The following EFCAB11 variants were observed in gnomAD, a reference collection of about 807,000 sequenced individuals.
The protein encoded by EFCAB11 is EF-hand calcium binding domain 11, also known as EF-hand calcium-binding domain-containing protein 11.
In EFCAB11, 14 loss-of-function variants were observed where a neutral mutation model predicts 23.0. The ratio of observed to expected loss-of-function variants is 0.61; its 90% CI spans 0.40 to 0.95. The LOEUF is 0.95. Among genes scored for constraint, EFCAB11 ranks in the 40% least tolerant of loss-of-function variants. The pLI is 0.00. For missense variants in EFCAB11, 198 were observed against 195.8 expected (o/e 1.01, Z -0.07); for synonymous variants, 65 against 66.6 (o/e 0.98, Z 0.11).
intron 5 of EFCAB11, among the ~76,000 whole-genome samples, chr14:89,905,098 G>T (rs746183316): frequency 6.6e-6 from 1 of 152,170 alleles, no homozygotes; most frequent in Non-Finnish European, 1.5e-5. Flanking sequence ...GCACAGGGAT[G>T]GAAGGAGCTG....
At chr14:89,891,400 G>T (rs1469592621) in intron 5 of EFCAB11, among the ~76,000 whole-genome samples, 2 of 152,110 alleles carry the variant, frequency 1.3e-5, no homozygotes, top group Non-Finnish European at 2.9e-5. Flanking sequence ...TAATACCTTT[G>T]TACTTTTAAT....
chr14:89,873,506 C>T (rs983853723), intron 5 of EFCAB11, among the ~76,000 whole-genome samples: 4 of 152,168 alleles, frequency 2.6e-5, no homozygotes, highest in Admixed American at 2.0e-4. Context: ...TCATCATTAA[C>T]TCAAAAGTCC....
rs564746070 is a variant in EFCAB11 at position 89,892,376 on chromosome 14, C to T, written c.410+39165G>A. On this transcript the variant is annotated intron_variant, in intron 5 of 5. Coordinates refer to ENST00000316738, the MANE Select transcript of EFCAB11 (RefSeq NM_145231.4). ...AGAAGAGGGCTTGGGGGGTGTCCGG[C>T]TCATCCACAAGACCCAAATCCCCAG... 313 of 1,607,854 alleles carry T rather than the reference C, an allele frequency of 1.9e-4. No homozygotes were observed. The African/African-American group carries it at 3.7e-3, about 19-fold the overall frequency.
intron 5 of EFCAB11, among the ~76,000 whole-genome samples, chr14:89,928,504 G>C (rs1180854629): frequency 6.6e-6 from 1 of 151,692 alleles, no homozygotes; most frequent in Non-Finnish European, 1.5e-5. Context: ...AGATCTAAAT[G>C]GGAAAAGCTC....
rs11323871 is a variant in EFCAB11 at position 89,854,196 on chromosome 14, CAA to C, written c.411-56874_411-56873del. 1.8e-4 allele frequency among the ~76,000 whole-genome samples: 23 copies of C among 129,736 alleles called. 1 individual carries two copies. Among genetic ancestry groups the C allele is most frequent in the African/African-American group, 5.1e-4 (18 of 35,374 alleles). 85.1% of individuals were successfully genotyped at this position (129,736 alleles called of 152,430 possible). On this transcript the variant is annotated intron_variant, in intron 5 of 5. Transcript: ENST00000316738. The stretch of plus-strand genomic sequence containing the variant: ...TAAGCATGAATTTGCGGTTGTCTCT[CAA>C]AAAAAAAAAAAATGACATCTCAAAG...
chr14:89,891,892 G>A lies in EFCAB11; in HGVS notation c.410+39649C>T, dbSNP rs766276751. Among the ~76,000 whole-genome samples, 3 of 152,004 alleles carry A rather than the reference G, an allele frequency of 2.0e-5. No homozygotes were observed. In the East Asian group the frequency reaches 5.8e-4, roughly 29 times the overall value. On this transcript the variant is annotated intron_variant, in intron 5 of 5. Coordinates refer to ENST00000316738, the MANE Select transcript of EFCAB11 (RefSeq NM_145231.4). The stretch of plus-strand genomic sequence containing the variant: ...TGCTGCGGAGCTACGTGGCGGGCGC[G>A]CCTGGCGCCCCACAGCCCAAGCCCG...
chr14:89,953,452 A>G (rs1211222928), intron 2 of EFCAB11, among the ~76,000 whole-genome samples: 1 of 152,252 alleles, frequency 6.6e-6, no homozygotes, highest in Non-Finnish European at 1.5e-5. Flanking sequence ...GTAATCCCCT[A>G]GGAGTGGGAC....
chr14:89,815,392 G>A (rs936617142), intron 5 of EFCAB11, among the ~76,000 whole-genome samples: 3 of 152,090 alleles, frequency 2.0e-5, no homozygotes, highest in Non-Finnish European at 4.4e-5. Context: ...TTTAATAGGA[G>A]CACTGGTATC....
At position 89,929,042 on chromosome 14, in the gene EFCAB11, T is replaced by C. The variant is rs534617655; in HGVS notation, c.410+2499A>G. ...ATATAAATACATACATATATATATATATACACACACACATATTTTTTTTTA... is the reference window on the plus strand; with the variant it reads ...ATATAAATACATACATATATATATACATACACACACACATATTTTTTTTTA... On this transcript the variant is annotated intron_variant, in intron 5 of 5. Coordinates refer to ENST00000316738, the MANE Select transcript of EFCAB11 (RefSeq NM_145231.4). Among the ~76,000 whole-genome samples, 650 of 142,610 alleles carry C rather than the reference T, an allele frequency of 4.6e-3. 6 individuals carry two copies. The highest frequency in any genetic ancestry group is 5.9e-3 in the Non-Finnish European group (390 of 66,640). The allele number at this position is 142,610 out of a possible 152,430, so 93.6% of individuals were successfully genotyped here.
intron 5 of EFCAB11, among the ~76,000 whole-genome samples, chr14:89,881,969 T>C (rs150389638): frequency 3.8e-4 from 58 of 152,356 alleles, no homozygotes; most frequent in African/African-American, 1.3e-3. Flanking sequence ...AGTATTACTA[T>C]AATCAATTAA....
intron 5 of EFCAB11, among the ~76,000 whole-genome samples, chr14:89,912,182 G>A (rs1385568500): frequency 6.6e-6 from 1 of 151,962 alleles, no homozygotes; most frequent in African/African-American, 2.4e-5. Context: ...TTAAAACTGA[G>A]GTAAAATGGT....
intron 5 of EFCAB11, among the ~76,000 whole-genome samples, chr14:89,797,580 A>C (rs1468804067): frequency 1.3e-5 from 2 of 152,220 alleles, no homozygotes; most frequent in African/African-American, 4.8e-5. Flanking sequence ...AGATTATATA[A>C]GAAAAAAAGA....
intron 5 of EFCAB11, among the ~76,000 whole-genome samples, chr14:89,841,014 C>T (rs992599581): frequency 1.4e-4 from 22 of 152,192 alleles, no homozygotes; most frequent in African/African-American, 4.8e-4. Context: ...TGGGGAGCCC[C>T]TCTGGCCTTC....
chr14:89,922,194 C>G (rs999812243), intron 5 of EFCAB11, among the ~76,000 whole-genome samples: 1 of 152,172 alleles, frequency 6.6e-6, no homozygotes, highest in Non-Finnish European at 1.5e-5. Flanking sequence ...TTGGATACAT[C>G]GGCCACAACA....
At chr14:89,920,129 C>A (rs1325183890) in intron 5 of EFCAB11, among the ~76,000 whole-genome samples, 4 of 152,196 alleles carry the variant, frequency 2.6e-5, no homozygotes, top group Non-Finnish European at 5.9e-5. Context: ...ATTCCATAGG[C>A]AAGATGCGTA....
chr14:89,878,003 C>T lies in EFCAB11; in HGVS notation c.410+53538G>A, dbSNP rs376933671. 1.8e-3 allele frequency among the ~76,000 whole-genome samples: 274 copies of T among 152,270 alleles called. 6 individuals are homozygous for T. The South Asian group carries it at 0.054, about 30-fold the overall frequency. ...GATTATTACCACTTTTGTTCAATTG[C>T]TTCCACGTGTGTTATTAAATCTGTA... On this transcript the variant is annotated intron_variant, in intron 5 of 5. Transcript: ENST00000316738.
chr14:89,816,232 T>C (rs140265295), intron 5 of EFCAB11, among the ~76,000 whole-genome samples: 2 of 152,326 alleles, frequency 1.3e-5, no homozygotes, highest in East Asian at 3.9e-4. Context: ...TGTAAGTTGA[T>C]TTTGTATCAT....
rs139715985 is a variant in EFCAB11 at position 89,917,524 on chromosome 14, C to T, written c.410+14017G>A. On this transcript the variant is annotated intron_variant, in intron 5 of 5. Transcript: ENST00000316738. ...GCACTTAATATGGGTTTCCATATCTCGGCTATTGTGAATAATGCTGCAATT... is the reference window on the plus strand; with the variant it reads ...GCACTTAATATGGGTTTCCATATCTTGGCTATTGTGAATAATGCTGCAATT... 4.0e-3 allele frequency among the ~76,000 whole-genome samples: 616 copies of T among 152,256 alleles called. 3 individuals carry two copies. The highest frequency in any genetic ancestry group is 0.014 in the South Asian group (69 of 4,828).
At chr14:89,816,542 G>A (rs1886343241) in intron 5 of EFCAB11, among the ~76,000 whole-genome samples, 1 of 152,102 alleles carries the variant, frequency 6.6e-6, no homozygotes. Context: ...GCTTAAAAGG[G>A]AATTTTATAA....
Sources: gnomAD v4.1 joint callset for allele counts (sites outside exome capture counted in the v4.1 genomes callset) on GRCh38, gnomAD v4.1.1 for gene constraint, MANE v1.5 for transcripts, NCBI Gene and HGNC (gene_info 2026-07-23, HGNC 2026-07-21) for gene names.